LEKR1: variants seen among roughly 807,000 people sequenced by gnomAD.
LEKR1 encodes protein LEKR1.
A neutral mutation model predicts 72.4 loss-of-function variants in LEKR1; 59 were observed. That is an observed-to-expected ratio of 0.82 (90% CI 0.66 to 1.01). The LOEUF is 1.01. LEKR1 is among the 50% of genes least tolerant of loss of function. The pLI is 0.00. For synonymous variants in LEKR1, 257 were observed against 263.2 expected (o/e 0.98, Z 0.23); for missense variants, 728 against 759.2 (o/e 0.96, Z 0.48).
intron 9 of LEKR1, among the ~76,000 whole-genome samples, chr3:156,999,900 T>C (rs1224407640): frequency 6.6e-6 from 1 of 152,194 alleles, no homozygotes; most frequent in African/African-American, 2.4e-5. Flanking sequence ...GGTGACATCA[T>C]TGGCAAAGAC....
intron 2 of LEKR1, among the ~76,000 whole-genome samples, chr3:156,846,662 C>A (rs1042258833): frequency 5.3e-5 from 8 of 152,220 alleles, no homozygotes; most frequent in African/African-American, 1.9e-4. Flanking sequence ...TGAGTAAGGG[C>A]ATCTTACTGA....
Position 156,993,276 on chromosome 3 carries a change from AG to A in LEKR1, c.1109+1del. 1 of 1,568,172 alleles carries A rather than the reference AG, an allele frequency of 6.4e-7. No homozygotes were observed. On this transcript the variant is annotated frameshift_variant and splice_region_variant, in exon 9 of 13. Coordinates refer to ENST00000356539, the MANE Select transcript of LEKR1 (RefSeq NM_001004316.3). LOFTEE classifies it high-confidence loss of function. Reference sequence around the variant, plus strand: ...AGAGGTTTTAACACTGAAAAATGAAAGGTGCAGTAAACAATAATTTCTTACA... The same window carrying A: ...AGAGGTTTTAACACTGAAAAATGAAAGTGCAGTAAACAATAATTTCTTACA... The part of the protein sequence containing the change: ...REEVLTLKNE[R>X]ELMLISHQKS...
chr3:156,988,587 T>C (rs1168041660), intron 7 of LEKR1: 3 of 203,502 alleles, frequency 1.5e-5, no homozygotes, highest in Admixed American at 1.1e-4. Flanking sequence ...CTTTAATTTC[T>C]TGGACATGGT....
At chr3:156,880,768 C>T (rs1373115944) in intron 3 of LEKR1, among the ~76,000 whole-genome samples, 2 of 152,094 alleles carry the variant, frequency 1.3e-5, no homozygotes, top group South Asian at 2.1e-4. Flanking sequence ...ACTGGCAAAC[C>T]GAATCCAGCA....
chr3:156,855,429 TG>T (rs1227660886), intron 3 of LEKR1, among the ~76,000 whole-genome samples: 2 of 152,220 alleles, frequency 1.3e-5, no homozygotes, highest in Admixed American at 6.5e-5. Context: ...ACATTTATAT[TG>T]ATTACCTATA....
In LEKR1 at chr3:157,045,514, A is replaced by G. The variant is rs1735687124; in HGVS notation, c.1843A>G (p.Ser615Gly). 13 of 1,614,062 alleles carry G rather than the reference A, an allele frequency of 8.1e-6. No individual in the cohort carries two copies. The highest frequency in any genetic ancestry group is 1.3e-5 in the African/African-American group (1 of 74,924). ...CCTAACCTCCCCTGCTGCAGCAGTC[A>G]GTAATCATGGAGAGAGAAGCCTTGC... ...GSLTSPAAAV[S>G]NHGERSLARL... is the part of the protein sequence containing the mutation. Residue 615 changes from serine (S) to glycine (G), a missense_variant, in exon 13 of 13, where the codon AGT becomes GGT. Ser to Gly is a moderately conservative substitution (Grantham distance 56). Coordinates refer to ENST00000356539, the MANE Select transcript of LEKR1 (RefSeq NM_001004316.3).
At chr3:156,870,216 A>AT (rs377466043) in intron 3 of LEKR1, among the ~76,000 whole-genome samples, 3 of 151,714 alleles carry the variant, frequency 2.0e-5, no homozygotes, top group East Asian at 1.9e-4. Flanking sequence ...AAATTTTAAG[A>AT]TTTTTTTCTA....
intron 11 of LEKR1, 113 bp downstream of exon 11, chr3:157,025,037 A>T: frequency 1.4e-6 from 1 of 690,796 alleles, no homozygotes; most frequent in South Asian, 2.3e-5. Context: ...ACTCATGGTC[A>T]CTGTGTCTTG....
intron 5 of LEKR1, among the ~76,000 whole-genome samples, chr3:156,939,038 A>G (rs1725970085): frequency 6.6e-6 from 1 of 152,222 alleles, no homozygotes; most frequent in African/African-American, 2.4e-5. Context: ...ATAAATTTTG[A>G]TAATAGTACA....
chr3:156,855,572 C>T (rs539755246), intron 3 of LEKR1, among the ~76,000 whole-genome samples: 2 of 152,154 alleles, frequency 1.3e-5, no homozygotes, highest in South Asian at 4.2e-4. Context: ...TGTCCTTTCA[C>T]TTCATTGTAT....
chr3:156,875,712 T>A (rs904201403), intron 3 of LEKR1, among the ~76,000 whole-genome samples: 1 of 151,966 alleles, frequency 6.6e-6, no homozygotes, highest in African/African-American at 2.4e-5. Context: ...AGGTAAGAAA[T>A]GAGCCGGGCG....
chr3:156,879,060 G>A (rs1364364746), intron 3 of LEKR1, among the ~76,000 whole-genome samples: 2 of 152,164 alleles, frequency 1.3e-5, no homozygotes, highest in Non-Finnish European at 2.9e-5. Context: ...TACCGGTAGA[G>A]TGGGTCACTG....
intron 3 of LEKR1, among the ~76,000 whole-genome samples, chr3:156,919,215 A>G (rs1003267409): frequency 3.2e-4 from 48 of 152,336 alleles, no homozygotes; most frequent in African/African-American, 1.1e-3. Context: ...CATTAAAGAT[A>G]CATCCTTTCA....
chr3:156,951,181 G>A lies in LEKR1; in HGVS notation c.745+8467G>A, dbSNP rs555954405. Among the ~76,000 whole-genome samples, 13 of 151,826 alleles carry A rather than the reference G, an allele frequency of 8.6e-5. 1 individual carries two copies. In the South Asian group the frequency reaches 2.1e-3, roughly 24 times the overall value. ...TAATCACATTTATTGATTTGCATAT[G>A]TTGAACCAGCCTTGCATCACAAGGA... On this transcript the variant is annotated intron_variant, in intron 6 of 12. Transcript: ENST00000356539.
chr3:156,833,631 A>G (rs1279595658), intron 2 of LEKR1, among the ~76,000 whole-genome samples: 2 of 152,302 alleles, frequency 1.3e-5, no homozygotes, highest in South Asian at 2.1e-4. Context: ...TATGATGTCA[A>G]CATGCCAAAT....
At chr3:156,907,062 G>T (rs1047699544) in intron 3 of LEKR1, among the ~76,000 whole-genome samples, 1 of 151,984 alleles carries the variant, frequency 6.6e-6, no homozygotes, top group African/African-American at 2.4e-5. Context: ...TTACAGACAT[G>T]TAATGAGACT....
intron 6 of LEKR1, among the ~76,000 whole-genome samples, chr3:156,971,644 GA>G (rs1195446405): frequency 1.3e-5 from 2 of 151,822 alleles, no homozygotes; most frequent in Non-Finnish European, 2.9e-5. Flanking sequence ...AAATTTACAA[GA>G]AAAAAACAAA....
intron 6 of LEKR1, among the ~76,000 whole-genome samples, chr3:156,958,017 A>G (rs1473686518): frequency 6.6e-6 from 1 of 152,146 alleles, no homozygotes; most frequent in Non-Finnish European, 1.5e-5. Context: ...ACATTTTTGA[A>G]AGGCTGTTAC....
intron 3 of LEKR1, among the ~76,000 whole-genome samples, chr3:156,877,549 G>T (rs992323424): frequency 6.6e-6 from 1 of 152,020 alleles, no homozygotes; most frequent in Non-Finnish European, 1.5e-5. Flanking sequence ...ATTTGAGAGG[G>T]TTGTCTATTT....
Sources: allele counts gnomAD v4.1 joint callset (sites outside exome capture counted in the v4.1 genomes callset), GRCh38; gene constraint gnomAD v4.1.1; transcripts MANE v1.5; gene names NCBI Gene and HGNC (gene_info 2026-07-23, HGNC 2026-07-21).